The following PTPRM variants were observed in gnomAD, a reference collection of about 807,000 sequenced individuals.
PTPRM encodes protein tyrosine phosphatase receptor type M.
Under a neutral mutation model 186.7 loss-of-function variants are expected in PTPRM, and 47 were observed. The observed-to-expected ratio is 0.25, with a 90% CI of 0.20 to 0.32. PTPRM has a LOEUF of 0.32. Ranked by LOEUF, PTPRM falls within the 10% of genes least tolerant of loss-of-function variation. The pLI, the probability that PTPRM is intolerant of heterozygous loss-of-function variation, is 1.00. For missense variants in PTPRM, 1,494 were observed against 1,865.0 expected (o/e 0.80, Z 3.66); for synonymous variants, 668 against 674.9 (o/e 0.99, Z 0.16).
rs567700715 is a variant in PTPRM at position 8,168,472 on chromosome 18, C to A, written c.2300+24693C>A. Among the ~76,000 whole-genome samples the A allele has an allele frequency of 3.9e-5, 6 of 152,152 alleles. No homozygotes were observed. The East Asian group carries it at 9.7e-4, about 24-fold the overall frequency. On this transcript the variant is annotated intron_variant, in intron 14 of 32. Coordinates refer to ENST00000580170, the MANE Select transcript of PTPRM (RefSeq NM_001105244.2). ...TAGACTACATTTGGAGCCTGTGATA[C>A]CCCTGATTTTAATTTTTTTCTCTCT...
chr18:7,967,034 C>G (rs1247785026), intron 7 of PTPRM, among the ~76,000 whole-genome samples: 1 of 92,490 alleles, frequency 1.1e-5, no homozygotes, highest in Non-Finnish European at 2.6e-5. Flanking sequence ...CAGCAGTAAC[C>G]TCTGCAGACT....
chr18:8,361,839 T>C (rs2095598824), intron 23 of PTPRM, among the ~76,000 whole-genome samples: 1 of 152,222 alleles, frequency 6.6e-6, no homozygotes, highest in Non-Finnish European at 1.5e-5. Context: ...GCACACTGTG[T>C]CATCATTAAA....
intron 4 of PTPRM, among the ~76,000 whole-genome samples, chr18:7,908,502 T>A (rs772075631): frequency 3.9e-5 from 6 of 152,318 alleles, no homozygotes; most frequent in Middle Eastern, 6.8e-3. Context: ...CCTGTGTGGT[T>A]GTTACCTGAT....
At chr18:7,601,359 C>T (rs2037398514) in intron 1 of PTPRM, among the ~76,000 whole-genome samples, 2 of 152,182 alleles carry the variant, frequency 1.3e-5, no homozygotes, top group South Asian at 2.1e-4. Context: ...CATTAGTTTC[C>T]TGGGGCTGCT....
intron 19 of PTPRM, among the ~76,000 whole-genome samples, chr18:8,289,584 A>G (rs2095015782): frequency 9.0e-6 from 1 of 111,526 alleles, no homozygotes; most frequent in Admixed American, 9.5e-5. Context: ...ATACATATAT[A>G]TATACACATA....
intron 22 of PTPRM, among the ~76,000 whole-genome samples, chr18:8,333,399 A>G (rs1339920072): frequency 2.0e-5 from 3 of 152,322 alleles, no homozygotes; most frequent in South Asian, 4.1e-4. Flanking sequence ...TTTGTAAAGC[A>G]TGGTGGCATA....
intron 20 of PTPRM, among the ~76,000 whole-genome samples, chr18:8,307,772 C>G (rs984518500): frequency 3.3e-5 from 5 of 151,820 alleles, no homozygotes; most frequent in Admixed American, 1.3e-4. Context: ...CCATTGCACT[C>G]CAGCCTGGGC....
At chr18:8,338,727 CAGTA>C (rs368985173) in intron 22 of PTPRM, among the ~76,000 whole-genome samples, 291 of 152,278 alleles carry the variant, frequency 1.9e-3, no homozygotes, top group African/African-American at 6.9e-3. Flanking sequence ...ACCTGGGAAA[CAGTA>C]AGTGTTTAAG....
At chr18:7,934,953 G>A (rs1451001306) in intron 5 of PTPRM, among the ~76,000 whole-genome samples, 3 of 152,108 alleles carry the variant, frequency 2.0e-5, no homozygotes, top group Non-Finnish European at 4.4e-5. Flanking sequence ...TTGTATGTAT[G>A]CGATGTTGCC....
At chr18:7,728,841 A>G (rs914776441) in intron 1 of PTPRM, among the ~76,000 whole-genome samples, 3 of 152,172 alleles carry the variant, frequency 2.0e-5, no homozygotes, top group African/African-American at 7.2e-5. Flanking sequence ...CTCTACCTCA[A>G]TGTAAATGTA....
chr18:8,285,667 G>A (rs948393694), intron 19 of PTPRM, among the ~76,000 whole-genome samples: 2 of 152,098 alleles, frequency 1.3e-5, no homozygotes, highest in Admixed American at 1.3e-4. Context: ...TTGTTGTCTC[G>A]ACTTTTTCTA....
At chr18:8,384,483 C>A (rs777389978) in intron 29 of PTPRM, 78 bp from the exon 30 acceptor site, 79 of 1,519,126 alleles carry the variant, frequency 5.2e-5, no homozygotes, top group Non-Finnish European at 6.6e-5. Context: ...TACTGAGTGT[C>A]AATACTAACC....
intron 1 of PTPRM, chr18:7,751,405 T>C (rs2041210763): frequency 6.6e-6 from 1 of 152,238 alleles, no homozygotes; most frequent in South Asian, 2.1e-4. Flanking sequence ...TCAATTCCCA[T>C]TGATACTCCT....
chr18:8,388,292 T>G (rs1156716202), intron 31 of PTPRM, among the ~76,000 whole-genome samples: 2 of 152,160 alleles, frequency 1.3e-5, no homozygotes, highest in Non-Finnish European at 2.9e-5. Flanking sequence ...AAGTACACAA[T>G]GAGATCTCTC....
intron 13 of PTPRM, among the ~76,000 whole-genome samples, chr18:8,140,043 C>T (rs562584624): frequency 4.6e-5 from 7 of 152,172 alleles, no homozygotes; most frequent in Admixed American, 1.3e-4. Context: ...AGGTCAACCT[C>T]GTACTAGTCA....
At chr18:8,322,742 A>G (rs116263328) in intron 22 of PTPRM, among the ~76,000 whole-genome samples, 2,194 of 152,270 alleles carry the variant, frequency 0.014, 54 homozygotes, top group African/African-American at 0.049. Context: ...AGCCACACAC[A>G]TAAGAACCGA....
At chr18:7,991,893 G>A (rs2083286583) in intron 7 of PTPRM, among the ~76,000 whole-genome samples, 1 of 152,146 alleles carries the variant, frequency 6.6e-6, no homozygotes, top group African/African-American at 2.4e-5. Flanking sequence ...CATGGATGAT[G>A]TTTCAGATTC....
chr18:7,783,598 G>A (rs866343868), intron 2 of PTPRM, among the ~76,000 whole-genome samples: 1 of 151,978 alleles, frequency 6.6e-6, no homozygotes, highest in Non-Finnish European at 1.5e-5. Context: ...TAGAGATGGG[G>A]TCTTGCTTTG....
intron 2 of PTPRM, among the ~76,000 whole-genome samples, chr18:7,869,628 G>A (rs1206009729): frequency 1.5e-5 from 2 of 129,326 alleles, no homozygotes; most frequent in African/African-American, 5.9e-5. Flanking sequence ...GCAGACCGGA[G>A]TTGTTCCTGT....
Sources: gnomAD v4.1 joint callset for allele counts (sites outside exome capture counted in the v4.1 genomes callset) on GRCh38, gnomAD v4.1.1 for gene constraint, MANE v1.5 for transcripts, NCBI Gene and HGNC (gene_info 2026-07-23, HGNC 2026-07-21) for gene names.